TACC2: variants seen among roughly 807,000 people sequenced by gnomAD.
TACC2 encodes transforming acidic coiled-coil containing protein 2.
A neutral mutation model predicts 227.3 loss-of-function variants in TACC2; 137 were observed. The observed-to-expected ratio is 0.60, with a 90% CI of 0.52 to 0.69. TACC2 has a LOEUF of 0.69. Ranked by LOEUF, TACC2 falls within the 30% of genes least tolerant of loss-of-function variation. The probability of loss-of-function intolerance (pLI) is 0.00; values close to 1 mark genes in which losing one functional copy is unlikely to be tolerated. For missense variants in TACC2, 3,470 were observed against 3,694.4 expected, an observed-to-expected ratio of 0.94 and a Z score of 1.57; for synonymous variants, 1,523 against 1,487.5, an observed-to-expected ratio of 1.02 and a Z score of -0.55.
At chr10:122,170,233 G>T (rs1189752744) in intron 7 of TACC2, among the ~76,000 whole-genome samples, 2 of 149,072 alleles carry the variant, frequency 1.3e-5, no homozygotes, top group African/African-American at 2.5e-5. Context: ...ATTCACCCAG[G>T]TGCTCAAACC....
chr10:122,140,902 C>T (rs1199009020), intron 6 of TACC2, among the ~76,000 whole-genome samples: 2 of 152,162 alleles, frequency 1.3e-5, no homozygotes, highest in Non-Finnish European at 2.9e-5. Context: ...CGTGGAAAGT[C>T]AGGGAGGGCT....
At chr10:122,217,734 G>T (rs980494447) in intron 11 of TACC2, among the ~76,000 whole-genome samples, 2 of 151,460 alleles carry the variant, frequency 1.3e-5, no homozygotes, top group Non-Finnish European at 2.9e-5. Context: ...GCTACCCCAT[G>T]CTTCCTTTTT....
intron 5 of TACC2, among the ~76,000 whole-genome samples, chr10:122,118,939 C>T (rs996512353): frequency 4.6e-5 from 7 of 152,110 alleles, no homozygotes; most frequent in Non-Finnish European, 2.9e-5. Context: ...GTATTGAGGA[C>T]CTGTAGTGAG....
intron 19 of TACC2, among the ~76,000 whole-genome samples, chr10:122,242,533 G>A (rs558222558): frequency 2.3e-4 from 35 of 152,236 alleles, no homozygotes; most frequent in Middle Eastern, 3.4e-3. Context: ...ACGCTGCCTC[G>A]GAATCCTTCT....
intron 7 of TACC2, among the ~76,000 whole-genome samples, chr10:122,147,301 C>A (rs536351656): frequency 6.6e-6 from 1 of 152,110 alleles, no homozygotes; most frequent in African/African-American, 2.4e-5. Flanking sequence ...CCCGCCACTA[C>A]GCCTGGCTAA....
At chr10:122,070,392 T>C (rs1023955085) in intron 3 of TACC2, among the ~76,000 whole-genome samples, 1 of 152,170 alleles carries the variant, frequency 6.6e-6, no homozygotes, top group Admixed American at 6.5e-5. Flanking sequence ...GCTAATTGCT[T>C]GAGCTCAGGA....
At chr10:122,129,766 A>G (rs2087671176) in intron 5 of TACC2, among the ~76,000 whole-genome samples, 1 of 151,938 alleles carries the variant, frequency 6.6e-6, no homozygotes, top group Non-Finnish European at 1.5e-5. Context: ...CTTTGCAGTG[A>G]TCTCTTTCTC....
chr10:122,025,192 A>G (rs966114082), intron 2 of TACC2, among the ~76,000 whole-genome samples: 2 of 152,194 alleles, frequency 1.3e-5, no homozygotes, highest in Non-Finnish European at 2.9e-5. Context: ...CTTATCTGCC[A>G]TCTACATATT....
At chr10:122,073,132 T>A (rs75926734) in intron 3 of TACC2, among the ~76,000 whole-genome samples, 1,334 of 50,890 alleles carry the variant, frequency 0.026, 22 homozygotes, top group African/African-American at 0.035. Context: ...AAAAAATATA[T>A]ATATATATAT....
chr10:122,245,777 T>G (rs1413117732), intron 19 of TACC2, among the ~76,000 whole-genome samples: 1 of 152,152 alleles, frequency 6.6e-6, no homozygotes, highest in African/African-American at 2.4e-5. Flanking sequence ...TCTTGGGGGC[T>G]TTATATACAT....
chr10:122,067,980 C>A lies in TACC2; in HGVS notation c.147-14667C>A, dbSNP rs1172892078. The stretch of plus-strand genomic sequence containing the variant: ...TTGGTTACTTGAATTTGTCTCACAG[C>A]TCACTGATGCTTTTTTGTTGTTGTT... On this transcript the variant is annotated intron_variant, in intron 3 of 22. Transcript: ENST00000369005. Among the ~76,000 whole-genome samples the A allele has an allele frequency of 2.0e-5, 3 of 152,216 alleles. No individual in the cohort carries two copies. In the East Asian group the frequency reaches 5.8e-4, roughly 29 times the overall value.
chr10:122,078,342 T>C (rs146073303), intron 3 of TACC2, among the ~76,000 whole-genome samples: 208 of 152,182 alleles, frequency 1.4e-3, no homozygotes, highest in Non-Finnish European at 2.2e-3. Flanking sequence ...GCCATGTTTG[T>C]GTTTTCTGTA....
At chr10:122,022,063 A>T (rs1957401482) in intron 2 of TACC2, 49 bp downstream of exon 2, 1 of 1,602,292 alleles carries the variant, frequency 6.2e-7, no homozygotes, top group Non-Finnish European at 8.5e-7. Context: ...CTCTTGGCAG[A>T]CCTTGACTAG....
At chr10:122,204,145 T>TGGGGAGAGGGAGAGGGAGACCA (rs1565607997) in intron 8 of TACC2, among the ~76,000 whole-genome samples, 4 of 132,136 alleles carry the variant, frequency 3.0e-5, no homozygotes, top group Non-Finnish European at 6.1e-5. Context: ...GAGGGAGACC[T>TGGGGAGAGGGAGAGGGAGACCA]TGGAAAGAGA....
At chr10:122,223,287 C>T (rs2141278597) in intron 11 of TACC2, among the ~76,000 whole-genome samples, 1 of 152,206 alleles carries the variant, frequency 6.6e-6, no homozygotes, top group African/African-American at 2.4e-5. Context: ...CCGCCAGCCT[C>T]AGCTTCCCAA....
chr10:122,050,316 C>T lies in TACC2; in HGVS notation c.34-122C>T, dbSNP rs1313976598. 2.6e-5 allele frequency: 19 copies of T among 732,746 alleles called. 1 individual carries two copies. The highest frequency in any genetic ancestry group is 8.1e-5 in the East Asian group (3 of 37,164). 45.4% of individuals were successfully genotyped at this position (732,746 alleles called of 1,614,324 possible). On this transcript the variant is annotated intron_variant, in intron 2 of 22. Coordinates refer to ENST00000369005, the MANE Select transcript of TACC2 (RefSeq NM_206862.4). The surrounding 1 kb of genome is among the most constrained non-coding windows in gnomAD (Gnocchi z 4.6). ...CGCACATAGTAGGTGTTTCGTTGGA[C>T]GGCAGAGCAAGTGAACAACCTTACC... is the stretch of plus-strand genomic sequence containing the variant.
chr10:122,251,698 C>A (rs2141978820), intron 22 of TACC2, among the ~76,000 whole-genome samples: 1 of 152,260 alleles, frequency 6.6e-6, no homozygotes, highest in Admixed American at 6.5e-5. Flanking sequence ...GGCAACACAG[C>A]AAGACCCCGT....
intron 5 of TACC2, among the ~76,000 whole-genome samples, chr10:122,119,912 C>G (rs537656734): frequency 7.0e-6 from 1 of 143,136 alleles, no homozygotes; most frequent in East Asian, 2.0e-4. Flanking sequence ...GAGTGAGACT[C>G]CTTCTCAAAA....
chr10:122,251,336 G>T (rs2096250619), intron 22 of TACC2, among the ~76,000 whole-genome samples: 1 of 152,116 alleles, frequency 6.6e-6, no homozygotes, highest in African/African-American at 2.4e-5. Context: ...TGTTTTGTAG[G>T]CTCTGATGAT....
Sources: gnomAD v4.1 joint callset for allele counts (sites outside exome capture counted in the v4.1 genomes callset) on GRCh38, gnomAD v4.1.1 for gene constraint, Gnocchi (gnomAD v3.1) non-coding constraint, MANE v1.5 for transcripts, NCBI Gene and HGNC (gene_info 2026-07-23, HGNC 2026-07-21) for gene names.